The following STXBP5L variants were observed in gnomAD, a reference collection of about 807,000 sequenced individuals.
The protein encoded by STXBP5L is syntaxin binding protein 5L.
STXBP5L carries 65 observed loss-of-function variants against 144.5 expected under a neutral mutation model. That is an observed-to-expected ratio of 0.45 (90% CI 0.37 to 0.55). The LOEUF is 0.55. STXBP5L is among the 20% of genes least tolerant of loss of function. The pLI is 0.00. For missense variants in STXBP5L, 1,298 were observed against 1,405.5 expected (o/e 0.92, Z 1.22); for synonymous variants, 505 against 469.6 (o/e 1.08, Z -0.97).
At chr3:121,029,754 A>G (rs1946227345) in intron 3 of STXBP5L, among the ~76,000 whole-genome samples, 1 of 152,058 alleles carries the variant, frequency 6.6e-6, no homozygotes, top group Non-Finnish European at 1.5e-5. Context: ...AAGCTACAGA[A>G]TGGGAGAATT....
chr3:121,190,210 C>G (rs542820528), intron 9 of STXBP5L, among the ~76,000 whole-genome samples: 1 of 152,092 alleles, frequency 6.6e-6, no homozygotes, highest in Non-Finnish European at 1.5e-5. Context: ...TGCGGCCTTC[C>G]GCAGTGTTTG....
chr3:121,229,285 T>C (rs2049223847), intron 11 of STXBP5L, among the ~76,000 whole-genome samples: 1 of 152,214 alleles, frequency 6.6e-6, no homozygotes, highest in Non-Finnish European at 1.5e-5. Context: ...TTCTATCTTG[T>C]TTCTATTTCC....
intron 22 of STXBP5L, among the ~76,000 whole-genome samples, chr3:121,384,008 C>T (rs1419794670): frequency 6.6e-6 from 1 of 152,030 alleles, no homozygotes; most frequent in Non-Finnish European, 1.5e-5. Flanking sequence ...CCTGTGAGAA[C>T]GTTGTTAAAT....
intron 7 of STXBP5L, among the ~76,000 whole-genome samples, chr3:121,144,013 G>T (rs1177399233): frequency 1.3e-5 from 2 of 151,634 alleles, no homozygotes; most frequent in Non-Finnish European, 1.5e-5. Flanking sequence ...AAAAGCTTCT[G>T]CATAGCAAAA....
intron 23 of STXBP5L, among the ~76,000 whole-genome samples, chr3:121,409,699 C>A (rs972523427): frequency 1.3e-5 from 2 of 151,888 alleles, no homozygotes; most frequent in Non-Finnish European, 2.9e-5. Context: ...AATGTCAATG[C>A]CCATAAATAA....
chr3:121,393,743 G>T (rs2046655201), intron 22 of STXBP5L, among the ~76,000 whole-genome samples: 1 of 151,690 alleles, frequency 6.6e-6, no homozygotes, highest in African/African-American at 2.4e-5. Context: ...GTTAGTTGTA[G>T]GTATATAGTT....
chr3:121,170,779 C>T (rs2046681824), intron 9 of STXBP5L, among the ~76,000 whole-genome samples: 2 of 152,164 alleles, frequency 1.3e-5, no homozygotes, highest in African/African-American at 4.8e-5. Context: ...GGAGATGGTA[C>T]CATTCCTTCT....
chr3:121,010,002 T>G (rs2108124210), intron 3 of STXBP5L, among the ~76,000 whole-genome samples: 1 of 152,048 alleles, frequency 6.6e-6, no homozygotes, highest in South Asian at 2.1e-4. Context: ...TGACATGTTC[T>G]AGTAAAGATA....
At chr3:120,991,428 C>A (rs1253542405) in intron 3 of STXBP5L, among the ~76,000 whole-genome samples, 6 of 151,874 alleles carry the variant, frequency 4.0e-5, no homozygotes, top group Non-Finnish European at 8.8e-5. Flanking sequence ...TGTGGCGATT[C>A]CTCAGGGATC....
At chr3:120,989,267 C>A (rs1379665143) in intron 3 of STXBP5L, among the ~76,000 whole-genome samples, 2 of 152,088 alleles carry the variant, frequency 1.3e-5, no homozygotes, top group Non-Finnish European at 2.9e-5. Flanking sequence ...TATAATTGTT[C>A]CCTTTTCTGT....
intron 19 of STXBP5L, among the ~76,000 whole-genome samples, chr3:121,299,726 C>T (rs977708950): frequency 6.6e-6 from 1 of 151,986 alleles, no homozygotes; most frequent in African/African-American, 2.4e-5. Context: ...GTGGTTCATG[C>T]CTGTAATCCC....
In STXBP5L at chr3:121,398,734, A is replaced by C. The variant is rs576142855; in HGVS notation, c.2588-8509A>C. Among the ~76,000 whole-genome samples, 20 of 152,342 alleles carry C rather than the reference A, an allele frequency of 1.3e-4. No homozygotes were observed. The South Asian group carries it at 4.1e-3, about 32-fold the overall frequency. ...CTGTGCCAACAAAGTAGCTTTATGC[A>C]GATTACCTCCAATACCATCACAGGC... On this transcript the variant is annotated intron_variant, in intron 22 of 26. Transcript: ENST00000471454.
At chr3:121,249,599 C>T (rs1267196837) in intron 14 of STXBP5L, among the ~76,000 whole-genome samples, 1 of 152,114 alleles carries the variant, frequency 6.6e-6, no homozygotes, top group Non-Finnish European at 1.5e-5. Flanking sequence ...TATAGAATCT[C>T]TGAGATTTTC....
intron 3 of STXBP5L, among the ~76,000 whole-genome samples, chr3:121,036,383 A>C (rs1173135627): frequency 6.6e-6 from 1 of 152,120 alleles, no homozygotes; most frequent in African/African-American, 2.4e-5. Context: ...TTTCAGTAAT[A>C]TTTTATGGCT....
intron 9 of STXBP5L, among the ~76,000 whole-genome samples, chr3:121,203,120 A>G (rs1347457844): frequency 6.6e-6 from 1 of 150,836 alleles, no homozygotes; most frequent in Non-Finnish European, 1.5e-5. Context: ...TTCCAGCATC[A>G]GTCTCTTACA....
Position 121,318,472 on chromosome 3 carries a change from C to T in STXBP5L, c.2111-3C>T. On this transcript the variant is annotated splice_polypyrimidine_tract_variant and splice_region_variant and intron_variant, in intron 19 of 26. Coordinates refer to ENST00000471454, the MANE Select transcript of STXBP5L (RefSeq NM_001308330.2). The stretch of plus-strand genomic sequence containing the variant: ...ATCTCATTTTTTTTCATTGTATTTT[C>T]AGGTTTAACTGAACTGAATGACAGT... 1 of 1,543,612 alleles carries T rather than the reference C, an allele frequency of 6.5e-7. No homozygotes were observed. The highest frequency in any genetic ancestry group is 2.0e-5 in the Admixed American group (1 of 49,510).
At chr3:121,190,705 G>GAGGCTGGC (rs1282040535) in intron 9 of STXBP5L, among the ~76,000 whole-genome samples, 1 of 152,030 alleles carries the variant, frequency 6.6e-6, no homozygotes, top group Non-Finnish European at 1.5e-5. Context: ...CCCTGACGGG[G>GAGGCTGGC]CGGCTGGCCG....
chr3:121,413,075 T>C (rs2047156178), intron 23 of STXBP5L, 83 bp from the exon 24 acceptor site: 1 of 1,066,214 alleles, frequency 9.4e-7, no homozygotes, highest in Non-Finnish European at 1.3e-6. Flanking sequence ...CATAAAATAA[T>C]AGAATAAAAA....
At chr3:121,007,187 C>G (rs1559991029) in intron 3 of STXBP5L, among the ~76,000 whole-genome samples, 1 of 152,070 alleles carries the variant, frequency 6.6e-6, no homozygotes, top group African/African-American at 2.4e-5. Flanking sequence ...TGTTAAACTA[C>G]ATTAATTTTG....
Sources: allele counts gnomAD v4.1 joint callset (sites outside exome capture counted in the v4.1 genomes callset), GRCh38; gene constraint gnomAD v4.1.1; transcripts MANE v1.5; gene names NCBI Gene and HGNC (gene_info 2026-07-23, HGNC 2026-07-21).